Variants in NKAIN3 observed in about 807,000 individuals in gnomAD.
NKAIN3 encodes the protein sodium/potassium-transporting ATPase subunit beta-1-interacting protein 3.
Under a neutral mutation model 30.2 loss-of-function variants are expected in NKAIN3, and 25 were observed. That is an observed-to-expected ratio of 0.83 (90% CI 0.60 to 1.16). The LOEUF (loss-of-function observed/expected upper bound fraction) is 1.16. Among genes scored for constraint, NKAIN3 ranks in the 50% most tolerant of loss-of-function variants. The probability of loss-of-function intolerance (pLI) is 0.00; values close to 1 mark genes in which losing one functional copy is unlikely to be tolerated. For missense variants in NKAIN3, 225 were observed against 254.1 expected (o/e 0.89, Z 0.78); for synonymous variants, 91 against 89.6 (o/e 1.02, Z -0.09).
chr8:62,729,945 T>G (rs1815415599), intron 3 of NKAIN3, among the ~76,000 whole-genome samples: 1 of 152,220 alleles, frequency 6.6e-6, no homozygotes, highest in South Asian at 2.1e-4. Context: ...ATGCTCATTT[T>G]AAACTGCTAA....
chr8:62,497,489 A>G (rs1048339785), intron 1 of NKAIN3, among the ~76,000 whole-genome samples: 9 of 151,972 alleles, frequency 5.9e-5, no homozygotes, highest in Admixed American at 1.3e-4. Context: ...AGCATTGAAA[A>G]CAGTTTAATT....
chr8:62,297,296 G>A (rs996196065), intron 1 of NKAIN3, among the ~76,000 whole-genome samples: 2 of 152,190 alleles, frequency 1.3e-5, no homozygotes, highest in South Asian at 2.1e-4. Flanking sequence ...CAAAAGCAAC[G>A]GCAACAAAAG....
At chr8:62,266,394 T>G (rs560262040) in intron 1 of NKAIN3, among the ~76,000 whole-genome samples, 1 of 152,306 alleles carries the variant, frequency 6.6e-6, no homozygotes, top group South Asian at 2.1e-4. Flanking sequence ...ATTTCTCTCT[T>G]CATATGCATG....
rs139946822 is a variant in NKAIN3 at position 62,310,301 on chromosome 8, T to G, written c.54+61174T>G. 1.4e-3 allele frequency among the ~76,000 whole-genome samples: 208 copies of G among 150,650 alleles called. 21 individuals are homozygous for G. The highest frequency in any genetic ancestry group is 5.0e-3 in the African/African-American group (199 of 40,014). ...AAATGAAAGCCAAATTTTGCCTGTT[T>G]TTTGAAAGTATTGAAACACTGGGAA... On this transcript the variant is annotated intron_variant, in intron 1 of 6. Coordinates refer to ENST00000623646, the MANE Select transcript of NKAIN3 (RefSeq NM_001304533.3).
intron 1 of NKAIN3, among the ~76,000 whole-genome samples, chr8:62,404,362 G>A (rs1164118627): frequency 6.6e-6 from 1 of 152,164 alleles, no homozygotes; most frequent in Non-Finnish European, 1.5e-5. Context: ...GAATGATATG[G>A]TTTTGCTGTG....
intron 3 of NKAIN3, among the ~76,000 whole-genome samples, chr8:62,669,959 G>C (rs185681245): frequency 1.3e-3 from 192 of 152,168 alleles, no homozygotes; most frequent in African/African-American, 4.5e-3. Flanking sequence ...TGTGCTTCTT[G>C]ATTATAGTGG....
intron 1 of NKAIN3, among the ~76,000 whole-genome samples, chr8:62,368,650 A>C (rs1775304338): frequency 6.6e-6 from 1 of 152,186 alleles, no homozygotes; most frequent in South Asian, 2.1e-4. Context: ...CACCTTGTGC[A>C]AAAGGCCATC....
intron 1 of NKAIN3, among the ~76,000 whole-genome samples, chr8:62,418,066 C>T (rs1804507924): frequency 6.6e-6 from 1 of 152,156 alleles, no homozygotes; most frequent in Non-Finnish European, 1.5e-5. Flanking sequence ...CTCACCTCTC[C>T]CCAGTTACAG....
rs1823718611 is a variant in NKAIN3, at chr8:62,966,554, A to G, written c.*1147A>G. On this transcript the variant is annotated 3_prime_UTR_variant, in exon 7 of 7. Coordinates refer to ENST00000623646, the MANE Select transcript of NKAIN3 (RefSeq NM_001304533.3). Reference sequence around the variant, plus strand: ...AATCAAAATGCAGAACATTTCCGTCACTTTAAAAAATTCCCTTATGCCCTC... The same window carrying G: ...AATCAAAATGCAGAACATTTCCGTCGCTTTAAAAAATTCCCTTATGCCCTC... 1 of 224,842 alleles carries G rather than the reference A, an allele frequency of 4.4e-6. No homozygotes were observed. Among genetic ancestry groups the G allele is most frequent in the African/African-American group, 2.3e-5 (1 of 42,754 alleles). The allele number at this position is 224,842 out of a possible 1,614,324, so 13.9% of individuals were successfully genotyped here.
At chr8:62,283,946 G>T (rs1322605320) in intron 1 of NKAIN3, among the ~76,000 whole-genome samples, 1 of 152,058 alleles carries the variant, frequency 6.6e-6, no homozygotes, top group Non-Finnish European at 1.5e-5. Context: ...CATACAACAG[G>T]CATCACAAAA....
chr8:62,429,439 G>C (rs187201515), intron 1 of NKAIN3, among the ~76,000 whole-genome samples: 19 of 151,924 alleles, frequency 1.3e-4, no homozygotes, highest in African/African-American at 4.6e-4. Context: ...ACCATCCTTG[G>C]ATCCCTGAGA....
intron 1 of NKAIN3, among the ~76,000 whole-genome samples, chr8:62,366,223 CT>C (rs71255329): frequency 2.3e-5 from 3 of 129,584 alleles, no homozygotes; most frequent in African/African-American, 8.6e-5. Flanking sequence ...ATTCTGTTTC[CT>C]TTTTTTTTTT....
intron 3 of NKAIN3, among the ~76,000 whole-genome samples, chr8:62,658,504 T>C (rs1812835007): frequency 6.6e-6 from 1 of 152,198 alleles, no homozygotes; most frequent in South Asian, 2.1e-4. Context: ...GTAAATGCGG[T>C]ATACCCATTC....
intron 1 of NKAIN3, among the ~76,000 whole-genome samples, chr8:62,531,807 G>A (rs1370290038): frequency 2.6e-5 from 4 of 152,162 alleles, no homozygotes; most frequent in Non-Finnish European, 4.4e-5. Context: ...GTACTGTTTA[G>A]CAGCCACACC....
chr8:62,702,859 G>T (rs1814384368), intron 3 of NKAIN3, among the ~76,000 whole-genome samples: 1 of 152,104 alleles, frequency 6.6e-6, no homozygotes. Context: ...TTAAATTTAA[G>T]ATTCCTTCTG....
chr8:62,590,942 T>C (rs185104142), intron 3 of NKAIN3, among the ~76,000 whole-genome samples: 470 of 152,064 alleles, frequency 3.1e-3, no homozygotes, highest in African/African-American at 0.01. Flanking sequence ...ACTTAAATAA[T>C]TGTGCTAGCG....
At chr8:62,409,368 G>C (rs1372396370) in intron 1 of NKAIN3, among the ~76,000 whole-genome samples, 2 of 152,082 alleles carry the variant, frequency 1.3e-5, no homozygotes, top group Non-Finnish European at 2.9e-5. Flanking sequence ...ATTTTTAGTA[G>C]AGATGGGGTT....
chr8:62,583,264 T>G (rs1810361559), intron 2 of NKAIN3, among the ~76,000 whole-genome samples: 1 of 152,120 alleles, frequency 6.6e-6, no homozygotes, highest in Non-Finnish European at 1.5e-5. Flanking sequence ...TTTCCTTTGC[T>G]TCCCTCTCTC....
chr8:62,669,985 G>GT (rs1451342335), intron 3 of NKAIN3, among the ~76,000 whole-genome samples: 3 of 151,980 alleles, frequency 2.0e-5, no homozygotes, highest in Non-Finnish European at 2.9e-5. Context: ...AACTCCCAAT[G>GT]TTTTTTTCCA....
Sources: gnomAD v4.1 joint callset for allele counts (sites outside exome capture counted in the v4.1 genomes callset) on GRCh38, gnomAD v4.1.1 for gene constraint, MANE v1.5 for transcripts, NCBI Gene and HGNC (gene_info 2026-07-23, HGNC 2026-07-21) for gene names.